Variants in PSD2 observed in about 807,000 individuals in gnomAD.
PSD2 encodes the protein pleckstrin and Sec7 domain containing 2, also known as PH and SEC7 domain-containing protein 2.
In PSD2, 38 loss-of-function variants were observed where a neutral mutation model predicts 69.8. The ratio of observed to expected loss-of-function variants is 0.54; its 90% CI spans 0.42 to 0.71. The LOEUF (loss-of-function observed/expected upper bound fraction) is 0.71. PSD2 is among the 30% of genes least tolerant of loss of function. The pLI, the probability that PSD2 is intolerant of heterozygous loss-of-function variation, is 0.00. For synonymous variants in PSD2, 412 were observed against 423.0 expected (o/e 0.97, Z 0.32); for missense variants, 943 against 1,014.5 (o/e 0.93, Z 0.96).
chr5:139,765,602 C>T, the PSD2 span, among the ~76,000 whole-genome samples: 44 of 152,376 alleles, frequency 2.9e-4, no homozygotes, highest in Admixed American at 1.2e-3. Context: ...AGCCCAAGCT[C>T]CGCCGGGCCG....
At chr5:139,759,155 C>T in the PSD2 span, among the ~76,000 whole-genome samples, 1 of 152,188 alleles carries the variant, frequency 6.6e-6, no homozygotes, top group African/African-American at 2.4e-5. Context: ...TGGCCTCCCC[C>T]ATTCTCCGTC....
chr5:139,758,348 A>G, the PSD2 span, among the ~76,000 whole-genome samples: 1 of 152,176 alleles, frequency 6.6e-6, no homozygotes, highest in African/African-American at 2.4e-5. Context: ...CATTTCAGGA[A>G]TGTTTGAAGC....
At chr5:139,767,970 G>C in the PSD2 span, among the ~76,000 whole-genome samples, 1 of 152,230 alleles carries the variant, frequency 6.6e-6, no homozygotes. Flanking sequence ...GCCTCAGCTA[G>C]GGCTGGAGGC....
chr5:139,763,218 T>C, the PSD2 span, among the ~76,000 whole-genome samples: 1 of 152,086 alleles, frequency 6.6e-6, no homozygotes, highest in Non-Finnish European at 1.5e-5. Context: ...GTGGGACTCT[T>C]CCTTTTCTTC....
chr5:139,792,869 T>TCCTA (rs1759440987), upstream of PSD2, among the ~76,000 whole-genome samples: 1 of 131,728 alleles, frequency 7.6e-6, no homozygotes, highest in Non-Finnish European at 1.6e-5. Flanking sequence ...TTTCCTTCCT[T>TCCTA]CCTTCCTTCC....
At chr5:139,781,605 G>A in the PSD2 span, among the ~76,000 whole-genome samples, 12 of 150,982 alleles carry the variant, frequency 7.9e-5, no homozygotes, top group African/African-American at 2.9e-4. Context: ...AAAGTGCTGG[G>A]ATTACAGGTG....
the PSD2 span, among the ~76,000 whole-genome samples, chr5:139,768,012 C>T: frequency 1.3e-5 from 2 of 152,242 alleles, no homozygotes; most frequent in African/African-American, 2.4e-5. Flanking sequence ...TTGAGCTGTC[C>T]CCTGTGCAGT....
rs1581745372 is a variant in PSD2, at chr5:139,842,774, G to T, written c.*300G>T. On this transcript the variant is annotated 3_prime_UTR_variant, in exon 15 of 15. Coordinates refer to ENST00000274710, the MANE Select transcript of PSD2 (RefSeq NM_032289.4). ...AGACACCACCTCGCTGGAGAAGCTGGAAGGGCTGTTGTCTTCCCAGGTCTT... is the reference window on the plus strand; with the variant it reads ...AGACACCACCTCGCTGGAGAAGCTGTAAGGGCTGTTGTCTTCCCAGGTCTT... 3.1e-6 allele frequency: 1 copy of T among 325,654 alleles called. No homozygotes were observed. The highest frequency in any genetic ancestry group is 5.7e-6 in the Non-Finnish European group (1 of 176,258). 20.2% of individuals were successfully genotyped at this position (325,654 alleles called of 1,614,324 possible).
At chr5:139,775,132 CAAG>C in the PSD2 span, 1 of 152,318 alleles carries the variant, frequency 6.6e-6, no homozygotes, top group African/African-American at 2.4e-5. Flanking sequence ...GGCTAGACTC[CAAG>C]AAGAACAGCC....
chr5:139,830,053 G>C (rs79517259), intron 7 of PSD2, among the ~76,000 whole-genome samples: 1,617 of 148,686 alleles, frequency 0.011, 23 homozygotes, highest in Admixed American at 0.04. Flanking sequence ...AGTGTGATCT[G>C]GTATGTGTGA....
In PSD2 at chr5:139,837,897, A is replaced by T; in HGVS notation, c.1823+115A>T. ...AACAGAGCATGTGTATCCACATGAC[A>T]CAGACCGACAGCTGGGTCCCTCCAA... On this transcript the variant is annotated intron_variant, in intron 12 of 14. Coordinates refer to ENST00000274710, the MANE Select transcript of PSD2 (RefSeq NM_032289.4). This position sits in a 1 kb window ranked among gnomAD's most constrained non-coding sequence, Gnocchi z 5.0. 1.0e-6 allele frequency: 1 copy of T among 978,478 alleles called. No individual in the cohort carries two copies. Among genetic ancestry groups the T allele is most frequent in the African/African-American group, 1.6e-5 (1 of 60,972 alleles). The allele number at this position is 978,478 out of a possible 1,614,324, so 60.6% of individuals were successfully genotyped here. A position where few individuals can be genotyped will look rare whatever the true frequency, so the allele number is the denominator to read the frequency against.
rs1456482687 is a variant in PSD2 at position 139,813,758 on chromosome 5, G to A, written c.821G>A (p.Ser274Asn). ...ACGGACAAGTTGCTGAACTCAGCCAGGTGAGGCAGGGCCCAGGCTGGGAGA... is the reference window on the plus strand; with the variant it reads ...ACGGACAAGTTGCTGAACTCAGCCAAGTGAGGCAGGGCCCAGGCTGGGAGA... ...EDTDKLLNSA[S>N]DPSLKDGLSD... Residue 274 changes from serine to asparagine, a missense_variant and splice_region_variant, in exon 3 of 15, where the codon AGT (serine) becomes AAT (asparagine). Physicochemically the swap from Ser to Asn is conservative, Grantham distance 46. Transcript: ENST00000274710. The A allele has an allele frequency of 1.3e-6, 2 of 1,597,262 alleles. No individual in the cohort carries two copies. The highest frequency in any genetic ancestry group is 1.7e-5 in the Admixed American group (1 of 59,052).
intron 1 of PSD2, among the ~76,000 whole-genome samples, chr5:139,807,094 T>A (rs1329428273): frequency 6.6e-6 from 1 of 152,212 alleles, no homozygotes; most frequent in Non-Finnish European, 1.5e-5. Context: ...GGTGCTGGTG[T>A]AGGCTGAGCA....
chr5:139,784,929 T>C, the PSD2 span, among the ~76,000 whole-genome samples: 1 of 151,902 alleles, frequency 6.6e-6, no homozygotes, highest in South Asian at 2.1e-4. Context: ...TAATTTTTTT[T>C]TGTATTTTTA....
rs755318399 is a variant in PSD2, at chr5:139,814,406, G to C, written c.1016+42G>C. ...CTGCCCCCAACCCTGGGCAAACCTC[G>C]TGTCTTCCTCAACCTGAAGAGGGTG... is the stretch of plus-strand genomic sequence containing the variant. On this transcript the variant is annotated intron_variant, in intron 4 of 14. Transcript: ENST00000274710. The surrounding 1 kb of genome is among the most constrained non-coding windows in gnomAD (Gnocchi z 4.4). 16 of 1,530,000 alleles carry C rather than the reference G, an allele frequency of 1.0e-5. No homozygotes were observed. The highest frequency in any genetic ancestry group is 1.3e-5 in the Non-Finnish European group (15 of 1,138,220). The allele number at this position is 1,530,000 out of a possible 1,614,324, so 94.8% of individuals were successfully genotyped here.
At chr5:139,823,341 C>T (rs1195544698) in intron 7 of PSD2, among the ~76,000 whole-genome samples, 1 of 152,116 alleles carries the variant, frequency 6.6e-6, no homozygotes, top group Non-Finnish European at 1.5e-5. Flanking sequence ...GGTGTGCATG[C>T]CCTGTGTGCC....
intron 5 of PSD2, among the ~76,000 whole-genome samples, chr5:139,820,410 ACAGGG>A (rs1467139421): frequency 6.6e-6 from 1 of 152,138 alleles, no homozygotes; most frequent in Non-Finnish European, 1.5e-5. Context: ...GAGCTGTCAG[ACAGGG>A]CAGTGCTATT....
At chr5:139,831,791 C>A (rs1760604196) in intron 7 of PSD2, among the ~76,000 whole-genome samples, 1 of 152,170 alleles carries the variant, frequency 6.6e-6, no homozygotes, top group South Asian at 2.1e-4. Context: ...TTATTTCATT[C>A]ATTTCTGCTT....
chr5:139,767,919 TGCCTGACCCC>T, the PSD2 span, among the ~76,000 whole-genome samples: 13 of 152,226 alleles, frequency 8.5e-5, no homozygotes, highest in Non-Finnish European at 1.5e-5. Context: ...CCAGGTCTAG[TGCCTGACCCC>T]AGGGCACCAG....
Sources: gnomAD v4.1 joint callset for allele counts (sites outside exome capture counted in the v4.1 genomes callset) on GRCh38, gnomAD v4.1.1 for gene constraint, Gnocchi (gnomAD v3.1) non-coding constraint, MANE v1.5 for transcripts, NCBI Gene and HGNC (gene_info 2026-07-23, HGNC 2026-07-21) for gene names.